IQCM: variants seen among roughly 807,000 people sequenced by gnomAD.
IQCM encodes the protein IQ domain-containing protein M.
In IQCM, 45 loss-of-function variants were observed where a neutral mutation model predicts 57.6. That is an observed-to-expected ratio of 0.78 (90% CI 0.62 to 1.00). IQCM has a LOEUF of 1.00. Among genes scored for constraint, IQCM ranks in the 50% least tolerant of loss-of-function variants. The probability of loss-of-function intolerance (pLI) is 0.00; values close to 1 mark genes in which losing one functional copy is unlikely to be tolerated. For synonymous variants in IQCM, 148 were observed against 158.9 expected, an observed-to-expected ratio of 0.93 and a Z score of 0.51; for missense variants, 468 against 511.6, an observed-to-expected ratio of 0.91 and a Z score of 0.82.
At chr4:149,673,914 C>T (rs372224082) in intron 7 of IQCM, among the ~76,000 whole-genome samples, 37 of 152,124 alleles carry the variant, frequency 2.4e-4, no homozygotes, top group African/African-American at 8.4e-4. Context: ...ACCAGAAATA[C>T]GTATGAGCCA....
chr4:149,564,103 C>A (rs1486273654), intron 9 of IQCM, among the ~76,000 whole-genome samples: 1 of 152,092 alleles, frequency 6.6e-6, no homozygotes, highest in Non-Finnish European at 1.5e-5. Flanking sequence ...ATAAAACTAA[C>A]CTTCTAATGA....
chr4:149,771,740 C>T (rs933146554), intron 2 of IQCM, among the ~76,000 whole-genome samples: 3 of 152,020 alleles, frequency 2.0e-5, no homozygotes, highest in Non-Finnish European at 4.4e-5. Context: ...TACATTCATT[C>T]ATAAACAGAT....
At chr4:149,391,603 C>T (rs1731861601) in intron 13 of IQCM, among the ~76,000 whole-genome samples, 1 of 151,798 alleles carries the variant, frequency 6.6e-6, no homozygotes, top group Non-Finnish European at 1.5e-5. Context: ...GCCTTGAAAT[C>T]TTTTTAAATG....
At chr4:149,751,090 A>G (rs1171568640) in intron 2 of IQCM, among the ~76,000 whole-genome samples, 8 of 152,218 alleles carry the variant, frequency 5.3e-5, no homozygotes, top group African/African-American at 1.4e-4. Flanking sequence ...TTAAAATTGA[A>G]AACAATCTTG....
intron 10 of IQCM, among the ~76,000 whole-genome samples, chr4:149,560,582 A>G (rs1270669506): frequency 1.3e-5 from 2 of 152,210 alleles, no homozygotes; most frequent in African/African-American, 4.8e-5. Flanking sequence ...GCAAACAAAC[A>G]GCACAAAAAT....
intron 7 of IQCM, among the ~76,000 whole-genome samples, chr4:149,661,264 G>A (rs865896007): frequency 1.3e-5 from 2 of 152,074 alleles, no homozygotes; most frequent in South Asian, 4.1e-4. Context: ...CACATTTATT[G>A]ATTTGCATAT....
At chr4:149,709,538 A>G (rs1764405769) in intron 5 of IQCM, among the ~76,000 whole-genome samples, 1 of 152,094 alleles carries the variant, frequency 6.6e-6, no homozygotes, top group Admixed American at 6.6e-5. Flanking sequence ...TCACAGCAAT[A>G]TAGTCAGCAG....
At chr4:149,620,800 C>T (rs1387530818) in intron 8 of IQCM, among the ~76,000 whole-genome samples, 1 of 152,192 alleles carries the variant, frequency 6.6e-6, no homozygotes, top group Non-Finnish European at 1.5e-5. Context: ...CCCTTGCCTT[C>T]ATTATGTTTT....
intron 13 of IQCM, among the ~76,000 whole-genome samples, chr4:149,356,034 A>G (rs1728951431): frequency 6.6e-6 from 1 of 152,122 alleles, no homozygotes; most frequent in Non-Finnish European, 1.5e-5. Flanking sequence ...TGGCTGCATA[A>G]ATGTCTTCTT....
chr4:149,814,783 G>T (rs1041328079), intron 2 of IQCM, among the ~76,000 whole-genome samples: 2 of 151,898 alleles, frequency 1.3e-5, no homozygotes, highest in Non-Finnish European at 2.9e-5. Context: ...ACCATCAAGA[G>T]TAAAAAATGT....
intron 2 of IQCM, among the ~76,000 whole-genome samples, chr4:149,755,322 G>A (rs1046324327): frequency 1.3e-5 from 2 of 152,006 alleles, no homozygotes; most frequent in South Asian, 2.1e-4. Flanking sequence ...AAATATAGAA[G>A]TCACCATGTC....
chr4:149,794,188 G>A (rs1772901672), intron 2 of IQCM, among the ~76,000 whole-genome samples: 1 of 152,210 alleles, frequency 6.6e-6, no homozygotes, highest in Admixed American at 6.5e-5. Flanking sequence ...GGAGTAGATT[G>A]TAGGGCAGTA....
intron 12 of IQCM, among the ~76,000 whole-genome samples, chr4:149,457,210 T>C (rs1306278432): frequency 6.6e-6 from 1 of 152,098 alleles, no homozygotes. Context: ...TTTGAGAAAC[T>C]TTCTCTGCTT....
chr4:149,548,022 T>C (rs1373641797), intron 12 of IQCM, among the ~76,000 whole-genome samples: 2 of 152,186 alleles, frequency 1.3e-5, no homozygotes, highest in African/African-American at 2.4e-5. Context: ...AAGTCTATTA[T>C]ATTGAAATAG....
intron 7 of IQCM, among the ~76,000 whole-genome samples, chr4:149,630,982 G>C (rs1241127410): frequency 6.6e-6 from 1 of 151,952 alleles, no homozygotes; most frequent in East Asian, 1.9e-4. Flanking sequence ...AAATGATAAG[G>C]GTGTCTCACT....
chr4:149,368,113 T>A lies in IQCM; in HGVS notation c.1391-16047A>T, dbSNP rs529886906. Reference sequence around the variant, plus strand: ...TTCACATAAAAGTTTGAAATTTATATAAAAACAAAGTCATTTGTCTTCTCT... The same window carrying A: ...TTCACATAAAAGTTTGAAATTTATAAAAAAACAAAGTCATTTGTCTTCTCT... On this transcript the variant is annotated intron_variant, in intron 13 of 13. Transcript: ENST00000636793. Among the ~76,000 whole-genome samples, 26 of 152,172 alleles carry A rather than the reference T, an allele frequency of 1.7e-4. No homozygotes were observed. The East Asian group carries it at 4.8e-3, about 28-fold the overall frequency.
At chr4:149,427,249 CA>C (rs756362027) in intron 13 of IQCM, among the ~76,000 whole-genome samples, 4 of 151,928 alleles carry the variant, frequency 2.6e-5, no homozygotes, top group African/African-American at 4.8e-5. Context: ...AGTTATTTCT[CA>C]ATCTTTATTG....
chr4:149,354,512 G>A (rs1308221161), intron 13 of IQCM, among the ~76,000 whole-genome samples: 2 of 151,726 alleles, frequency 1.3e-5, no homozygotes, highest in African/African-American at 4.8e-5. Flanking sequence ...TACTAGAAAA[G>A]CATGAGATAT....
At chr4:149,443,094 C>G (rs957417363) in intron 12 of IQCM, among the ~76,000 whole-genome samples, 1 of 152,002 alleles carries the variant, frequency 6.6e-6, no homozygotes, top group African/African-American at 2.4e-5. Flanking sequence ...AGTTGAAACT[C>G]TTGTGCATGG....
Sources: gnomAD v4.1 joint callset for allele counts (sites outside exome capture counted in the v4.1 genomes callset) on GRCh38, gnomAD v4.1.1 for gene constraint, MANE v1.5 for transcripts, NCBI Gene and HGNC (gene_info 2026-07-23, HGNC 2026-07-21) for gene names.